Variants in MYH10 observed in about 807,000 individuals in gnomAD.
MYH10 encodes myosin-10.
MYH10 carries 55 observed loss-of-function variants against 257.8 expected under a neutral mutation model. The ratio of observed to expected loss-of-function variants is 0.21; its 90% CI spans 0.17 to 0.27. The LOEUF (loss-of-function observed/expected upper bound fraction) is 0.27, where lower values mean the gene tolerates loss of function less well. MYH10 is among the 10% of genes least tolerant of loss of function. MYH10 has a pLI of 1.00. For missense variants in MYH10, 1,631 were observed against 2,500.6 expected, an observed-to-expected ratio of 0.65 and a Z score of 7.42; for synonymous variants, 854 against 921.7, an observed-to-expected ratio of 0.93 and a Z score of 1.33.
intron 4 of MYH10, among the ~76,000 whole-genome samples, chr17:8,587,116 A>G (rs942963601): frequency 2.0e-5 from 3 of 152,180 alleles, no homozygotes; most frequent in African/African-American, 7.2e-5. Context: ...CCAGAGAAAG[A>G]GACACCAAGT....
At chr17:8,495,028 A>G (rs1168186143) in intron 31 of MYH10, 109 bp downstream of exon 31, 2 of 687,130 alleles carry the variant, frequency 2.9e-6, no homozygotes. Context: ...ATGACATAAA[A>G]CTAGTAAGAG....
At position 8,538,879 on chromosome 17, in the gene MYH10, C is replaced by G. The variant is rs572465579; in HGVS notation, c.1606-2948G>C. Among the ~76,000 whole-genome samples, 6 of 152,246 alleles carry G rather than the reference C, an allele frequency of 3.9e-5. No homozygotes were observed. The South Asian group carries it at 1.2e-3, about 32-fold the overall frequency. ...TCCCTGAAAGTTCACATGTTGGAAA[C>G]CTGGTTCCTAATGCAGCCGTGTTGA... On this transcript the variant is annotated intron_variant, in intron 14 of 42. Transcript: ENST00000360416.
intron 3 of MYH10, among the ~76,000 whole-genome samples, chr17:8,590,363 A>T (rs1217540635): frequency 6.6e-6 from 1 of 151,518 alleles, no homozygotes; most frequent in Non-Finnish European, 1.5e-5. Flanking sequence ...CCCAGGCTGG[A>T]GTGCAGTGGT....
chr17:8,496,187 G>A (rs1036184006), intron 30 of MYH10, among the ~76,000 whole-genome samples: 2 of 152,186 alleles, frequency 1.3e-5, no homozygotes, highest in African/African-American at 4.8e-5. Flanking sequence ...GACGACAGTG[G>A]GTGCTGGGAA....
At chr17:8,595,757 T>C (rs1019562767) in intron 3 of MYH10, among the ~76,000 whole-genome samples, 4 of 144,094 alleles carry the variant, frequency 2.8e-5, no homozygotes, top group African/African-American at 1.0e-4. Context: ...ACGGTGTCAG[T>C]GCAAGGGTTT....
At chr17:8,592,415 A>G (rs925046837) in intron 3 of MYH10, among the ~76,000 whole-genome samples, 5 of 152,150 alleles carry the variant, frequency 3.3e-5, no homozygotes, top group Non-Finnish European at 5.9e-5. Flanking sequence ...AGTAATCAGG[A>G]AAAAGGAGAA....
chr17:8,532,358 T>A (rs796440600), intron 16 of MYH10, among the ~76,000 whole-genome samples: 1 of 152,240 alleles, frequency 6.6e-6, no homozygotes, highest in Non-Finnish European at 1.5e-5. Flanking sequence ...TAAGTACAGA[T>A]GAATGGGGCT....
Position 8,540,733 on chromosome 17 carries a change from A to G in MYH10, c.1605+1374T>C, listed in dbSNP as rs147641184. On this transcript the variant is annotated intron_variant, in intron 14 of 42. Coordinates refer to ENST00000360416, the MANE Select transcript of MYH10 (RefSeq NM_001256012.3). ...TGTCATATGGACGCATATAATGAGC[A>G]TCTCAAAAAACATATCATATAGTCA... Among the ~76,000 whole-genome samples, 10 of 152,334 alleles carry G rather than the reference A, an allele frequency of 6.6e-5. No individual in the cohort carries two copies. The East Asian group carries it at 1.9e-3, about 29-fold the overall frequency.
At chr17:8,516,266 A>G (rs1439196430) in intron 21 of MYH10, among the ~76,000 whole-genome samples, 3 of 152,182 alleles carry the variant, frequency 2.0e-5, no homozygotes, top group Non-Finnish European at 4.4e-5. Flanking sequence ...CCTTATCCCA[A>G]TGTCCTCCAG....
rs56176665 is a variant in MYH10, at chr17:8,626,578, AAATAATAATAATAAT to A, written c.-31-3316_-31-3302del. Among the ~76,000 whole-genome samples the A allele has an allele frequency of 4.4e-3, 622 of 140,180 alleles. 6 individuals are homozygous for A. The highest frequency in any genetic ancestry group is 0.015 in the African/African-American group (580 of 37,460). 92.0% of individuals were successfully genotyped at this position (140,180 alleles called of 152,430 possible). A position where few individuals can be genotyped will look rare whatever the true frequency, so the allele number is the denominator to read the frequency against. On this transcript the variant is annotated intron_variant, in intron 1 of 42. Coordinates refer to ENST00000360416, the MANE Select transcript of MYH10 (RefSeq NM_001256012.3). ...TGAGACTCTGTCTCAAAATAATAAT[AAATAATAATAATAAT>A]AATAATAATAATAATAAGTAAAATA...
rs978573730 is a variant in MYH10 at position 8,474,345 on chromosome 17, T to C, written c.*1459A>G. 4 of 152,586 alleles carry C rather than the reference T, an allele frequency of 2.6e-5. No homozygotes were observed. Among genetic ancestry groups the C allele is most frequent in the Admixed American group, 1.3e-4 (2 of 15,278 alleles). The allele number at this position is 152,586 out of a possible 1,614,324, so 9.5% of individuals were successfully genotyped here. On this transcript the variant is annotated 3_prime_UTR_variant, in exon 43 of 43. Transcript: ENST00000360416. The stretch of plus-strand genomic sequence containing the variant: ...TTACAAAAATCATTGTCTAGAAATA[T>C]GGGAATACAAGAAAAGATATTTGCG...
chr17:8,476,882 C>T lies in MYH10; in HGVS notation c.5873G>A (p.Arg1958Gln), dbSNP rs750680207. ...GGGCCGCATGCCTGCTCACCTCAGCCGGTTCTTCAGGGTGCTGACCTCGCG... is the reference window on the plus strand; with the variant it reads ...GGGCCGCATGCCTGCTCACCTCAGCTGGTTCTTCAGGGTGCTGACCTCGCG... ...LSREVSTLKN[R>Q]LRRGGPISFS... The change falls in exon 42 of 43, where the codon CGG becomes CAG. Residue 1958 changes from arginine to glutamine, a missense_variant. By Grantham distance (43) the Arg-to-Gln change is conservative. This residue lies in a region of MYH10 where 343 missense variants were observed against 389.5 expected (regional missense o/e 0.88). Transcript: ENST00000360416. 5 of 1,607,994 alleles carry T rather than the reference C, an allele frequency of 3.1e-6. No homozygotes were observed. The highest frequency in any genetic ancestry group is 1.1e-5 in the South Asian group (1 of 90,986).
rs1289256872 is a variant in MYH10 at position 8,499,406 on chromosome 17, T to C, written c.3815A>G (p.Lys1272Arg). ...CTCAGCCTTGACCTGCTGCAGGACC[T>C]TCACCTCACACGCCAGCTCCTTGTT... ...TDNKELACEV[K>R]VLQQVKAESE... Residue 1272 changes from lysine to arginine, a missense_variant, in exon 30 of 43, where the codon AAG becomes AGG. Coordinates refer to ENST00000360416, the MANE Select transcript of MYH10 (RefSeq NM_001256012.3). The C allele has an allele frequency of 1.2e-6, 2 of 1,614,066 alleles. No homozygotes were observed.
chr17:8,575,683 G>A (rs1425178429), intron 6 of MYH10, among the ~76,000 whole-genome samples: 6 of 152,044 alleles, frequency 3.9e-5, no homozygotes, highest in Non-Finnish European at 7.4e-5. Flanking sequence ...TCCATAACTC[G>A]ATATTATTGT....
intron 3 of MYH10, among the ~76,000 whole-genome samples, chr17:8,595,823 A>C (rs753977765): frequency 6.6e-6 from 1 of 152,142 alleles, no homozygotes; most frequent in Non-Finnish European, 1.5e-5. Context: ...TACTGTCTAT[A>C]TCTCTACATC....
intron 14 of MYH10, among the ~76,000 whole-genome samples, chr17:8,538,056 C>T (rs558099692): frequency 2.6e-5 from 4 of 152,300 alleles, no homozygotes; most frequent in Admixed American, 2.6e-4. Flanking sequence ...GTTTTTACAG[C>T]ATTTTCCTTC....
intron 34 of MYH10, among the ~76,000 whole-genome samples, chr17:8,491,006 A>G (rs1915680117): frequency 6.6e-6 from 1 of 152,236 alleles, no homozygotes; most frequent in African/African-American, 2.4e-5. Context: ...GCTTGGGCCT[A>G]AGAAGCAGGG....
chr17:8,616,081 C>T (rs1177286627), intron 2 of MYH10, among the ~76,000 whole-genome samples: 4 of 152,134 alleles, frequency 2.6e-5, no homozygotes, highest in African/African-American at 2.4e-5. Flanking sequence ...CCCAGTAGTT[C>T]GAGACCAGCC....
intron 6 of MYH10, among the ~76,000 whole-genome samples, chr17:8,574,737 T>C (rs1567923952): frequency 6.6e-6 from 1 of 152,174 alleles, no homozygotes; most frequent in African/African-American, 2.4e-5. Flanking sequence ...CACAAACCAG[T>C]GGTATCAAAT....
Sources: allele counts gnomAD v4.1 joint callset (sites outside exome capture counted in the v4.1 genomes callset), GRCh38; gene constraint gnomAD v4.1.1; regional missense constraint gnomAD v4.1.1; transcripts MANE v1.5; gene names NCBI Gene and HGNC (gene_info 2026-07-23, HGNC 2026-07-21).